LRRTM4: variants seen among roughly 807,000 people sequenced by gnomAD.
LRRTM4 encodes the protein leucine rich repeat transmembrane neuronal 4.
In LRRTM4, 25 loss-of-function variants were observed where a neutral mutation model predicts 47.6. That is an observed-to-expected ratio of 0.53 (90% confidence interval 0.38 to 0.73). LRRTM4 has a LOEUF of 0.73. Ranked by LOEUF, LRRTM4 falls within the 30% of genes least tolerant of loss-of-function variation. LRRTM4 has a pLI of 0.00. For missense variants in LRRTM4, 638 were observed against 713.4 expected, an observed-to-expected ratio of 0.89 and a Z score of 1.20; for synonymous variants, 311 against 269.5, an observed-to-expected ratio of 1.15 and a Z score of -1.51.
chr2:76,974,961 T>C (rs1188437740), intron 3 of LRRTM4, among the ~76,000 whole-genome samples: 1 of 151,754 alleles, frequency 6.6e-6, no homozygotes, highest in Non-Finnish European at 1.5e-5. Flanking sequence ...TATTTCTTGG[T>C]ACTAAAAACT....
chr2:77,380,432 G>A (rs1309010408), intron 3 of LRRTM4, among the ~76,000 whole-genome samples: 1 of 152,062 alleles, frequency 6.6e-6, no homozygotes, highest in Non-Finnish European at 1.5e-5. Context: ...TCATTGAGTA[G>A]TCTATGTAAA....
chr2:77,209,567 G>A (rs535479343), intron 3 of LRRTM4, among the ~76,000 whole-genome samples: 1 of 152,252 alleles, frequency 6.6e-6, no homozygotes, highest in East Asian at 1.9e-4. Flanking sequence ...TATCGACAAT[G>A]TTACAATTCA....
At chr2:77,234,302 C>A (rs1446742973) in intron 3 of LRRTM4, among the ~76,000 whole-genome samples, 1 of 152,052 alleles carries the variant, frequency 6.6e-6, no homozygotes, top group East Asian at 1.9e-4. Context: ...CCTACCCAAC[C>A]ATAAAAATAG....
intron 3 of LRRTM4, among the ~76,000 whole-genome samples, chr2:77,400,249 C>T (rs991156457): frequency 6.6e-6 from 1 of 151,408 alleles, no homozygotes; most frequent in African/African-American, 2.4e-5. Flanking sequence ...CTGTTTTTTG[C>T]GATTTTTGAT....
At chr2:76,819,927 G>C (rs1671006796) in intron 3 of LRRTM4, among the ~76,000 whole-genome samples, 1 of 151,950 alleles carries the variant, frequency 6.6e-6, no homozygotes, top group African/African-American at 2.4e-5. Context: ...TTCAGCCACT[G>C]TACCTCCTTG....
chr2:77,483,958 G>A (rs1042363699), intron 3 of LRRTM4, among the ~76,000 whole-genome samples: 2 of 152,148 alleles, frequency 1.3e-5, no homozygotes, highest in Non-Finnish European at 2.9e-5. Flanking sequence ...GCATCTCAAG[G>A]TAATGTTTTA....
At chr2:76,893,524 A>C (rs980270321) in intron 3 of LRRTM4, among the ~76,000 whole-genome samples, 1 of 151,784 alleles carries the variant, frequency 6.6e-6, no homozygotes, top group East Asian at 1.9e-4. Flanking sequence ...TAAAATACAG[A>C]TAGTTCTACC....
rs563547905 is a variant in LRRTM4, at chr2:77,067,346, G to A, written c.1552-318430C>T. Among the ~76,000 whole-genome samples the A allele has an allele frequency of 4.2e-4, 64 of 152,122 alleles. 1 individual carries two copies. In the Middle Eastern group the frequency reaches 0.021, roughly 49 times the overall value. On this transcript the variant is annotated intron_variant, in intron 3 of 3. Coordinates refer to ENST00000409884, the MANE Select transcript of LRRTM4 (RefSeq NM_001134745.3). ...ATGGTGGATGGCCTCACTGTGTATT[G>A]CAAATTAGAGAAAAGTACCCCTAGA... is the stretch of plus-strand genomic sequence containing the variant.
intron 3 of LRRTM4, among the ~76,000 whole-genome samples, chr2:77,334,156 G>T (rs1343509885): frequency 1.3e-5 from 2 of 152,104 alleles, no homozygotes; most frequent in Non-Finnish European, 2.9e-5. Flanking sequence ...ACTTGCTTTT[G>T]ATATTACAGA....
chr2:77,241,628 G>T (rs1386441084), intron 3 of LRRTM4, among the ~76,000 whole-genome samples: 1 of 151,850 alleles, frequency 6.6e-6, no homozygotes, highest in African/African-American at 2.4e-5. Context: ...AATAAGCTCT[G>T]GAAAAAAACC....
At chr2:77,163,374 G>A (rs185964666) in intron 3 of LRRTM4, among the ~76,000 whole-genome samples, 1,535 of 152,280 alleles carry the variant, frequency 0.01, 9 homozygotes, top group Middle Eastern at 0.02. Flanking sequence ...AAGTGATGGG[G>A]ATAATGGAAC....
Position 76,844,612 on chromosome 2 carries a change from GCAAA to G in LRRTM4, c.1552-95700_1552-95697del, listed in dbSNP as rs529021723. On this transcript the variant is annotated intron_variant, in intron 3 of 3. Transcript: ENST00000409884. ...TGAAGTTTATCAAACAAGCCAAGAA[GCAAA>G]CAATGTACCATTTCCAGTAATGAAA... Among the ~76,000 whole-genome samples the G allele has an allele frequency of 7.6e-3, 1,154 of 152,222 alleles. 10 individuals carry two copies. Among genetic ancestry groups the G allele is most frequent in the African/African-American group, 0.026 (1,098 of 41,558 alleles).
At chr2:77,345,485 C>T (rs557279761) in intron 3 of LRRTM4, among the ~76,000 whole-genome samples, 1 of 151,814 alleles carries the variant, frequency 6.6e-6, no homozygotes, top group African/African-American at 2.4e-5. Flanking sequence ...AAAAAATAGA[C>T]AAAATATTAG....
At chr2:77,327,147 C>G (rs1028016772) in intron 3 of LRRTM4, among the ~76,000 whole-genome samples, 1 of 152,080 alleles carries the variant, frequency 6.6e-6, no homozygotes, top group Non-Finnish European at 1.5e-5. Context: ...AAAAGGATAG[C>G]GGTCAAGCTA....
chr2:76,934,552 T>G (rs1377015393), intron 3 of LRRTM4, among the ~76,000 whole-genome samples: 1 of 152,098 alleles, frequency 6.6e-6, no homozygotes, highest in African/African-American at 2.4e-5. Context: ...GGCAAAAAAA[T>G]TTAAAAAGCC....
chr2:76,938,632 T>A (rs1278104277), intron 3 of LRRTM4, among the ~76,000 whole-genome samples: 1 of 152,162 alleles, frequency 6.6e-6, no homozygotes, highest in African/African-American at 2.4e-5. Context: ...TTTCATCATT[T>A]TTAGCAAATC....
At chr2:77,228,374 C>G (rs1347837365) in intron 3 of LRRTM4, among the ~76,000 whole-genome samples, 2 of 152,142 alleles carry the variant, frequency 1.3e-5, no homozygotes, top group African/African-American at 4.8e-5. Context: ...CTGACCCTGA[C>G]TGATCTCCTG....
intron 3 of LRRTM4, among the ~76,000 whole-genome samples, chr2:77,003,466 C>G (rs6739222): frequency 0.48 from 72,314 of 151,748 alleles, 17,756 homozygotes; most frequent in African/African-American, 0.59. Context: ...TCATGCCTTT[C>G]TTGTGATAGT....
chr2:76,753,033 T>C (rs2104057949), intron 3 of LRRTM4, among the ~76,000 whole-genome samples: 1 of 152,274 alleles, frequency 6.6e-6, no homozygotes, highest in African/African-American at 2.4e-5. Context: ...TAGAGAAATA[T>C]ATTCTACTAT....
Sources: allele counts gnomAD v4.1 joint callset (sites outside exome capture counted in the v4.1 genomes callset), GRCh38; gene constraint gnomAD v4.1.1; transcripts MANE v1.5; gene names NCBI Gene and HGNC (gene_info 2026-07-23, HGNC 2026-07-21).